Variants in CREB5 observed in about 807,000 individuals in gnomAD.
The protein encoded by CREB5 is cyclic AMP-responsive element-binding protein 5.
CREB5 carries 19 observed loss-of-function variants against 57.1 expected under a neutral mutation model. That is an observed-to-expected ratio of 0.33 (90% CI 0.23 to 0.49). The LOEUF (loss-of-function observed/expected upper bound fraction) is 0.49, where lower values mean the gene tolerates loss of function less well. Ranked by LOEUF, CREB5 falls within the 20% of genes least tolerant of loss-of-function variation. The probability of loss-of-function intolerance (pLI) is 0.99; values close to 1 mark genes in which losing one functional copy is unlikely to be tolerated. For synonymous variants in CREB5, 238 were observed against 238.3 expected (o/e 1.00, Z 0.01); for missense variants, 579 against 671.6 (o/e 0.86, Z 1.52).
At chr7:28,688,855 T>C (rs192526223) in intron 5 of CREB5, among the ~76,000 whole-genome samples, 143 of 152,282 alleles carry the variant, frequency 9.4e-4, no homozygotes, top group Non-Finnish European at 7.9e-4. Context: ...AAAGAGGGCA[T>C]GATTTCTTTT....
chr7:28,526,930 T>C (rs959533362), intron 4 of CREB5, among the ~76,000 whole-genome samples: 3 of 152,222 alleles, frequency 2.0e-5, no homozygotes, highest in African/African-American at 7.2e-5. Flanking sequence ...TTCATCCATC[T>C]TTTATTAATC....
intron 1 of CREB5, among the ~76,000 whole-genome samples, chr7:28,359,220 C>T: frequency 1.2e-5 from 1 of 80,124 alleles, no homozygotes; most frequent in African/African-American, 4.0e-5. Context: ...ACACACAAAA[C>T]AAATAAAAAA....
chr7:28,788,213 G>A (rs1807449210), intron 7 of CREB5, among the ~76,000 whole-genome samples: 1 of 151,990 alleles, frequency 6.6e-6, no homozygotes, highest in African/African-American at 2.4e-5. Context: ...GTTTAGCAGT[G>A]TCCCTACCCA....
intron 1 of CREB5, among the ~76,000 whole-genome samples, chr7:28,315,199 T>C (rs922595461): frequency 6.6e-6 from 1 of 152,198 alleles, no homozygotes; most frequent in Non-Finnish European, 1.5e-5. Flanking sequence ...GTGGGCACAA[T>C]TCATTTGTAT....
chr7:28,811,689 T>TAATC (rs1419115870), intron 9 of CREB5, among the ~76,000 whole-genome samples: 1 of 152,238 alleles, frequency 6.6e-6, no homozygotes, highest in Non-Finnish European at 1.5e-5. Context: ...TTAACATTAA[T>TAATC]AATCATATTT....
At chr7:28,471,867 C>G (rs941352096) in intron 1 of CREB5, among the ~76,000 whole-genome samples, 1 of 152,264 alleles carries the variant, frequency 6.6e-6, no homozygotes, top group African/African-American at 2.4e-5. Context: ...TGCATTATCT[C>G]ATTGTCCCAC....
chr7:28,705,180 T>C (rs1042815830), intron 5 of CREB5, among the ~76,000 whole-genome samples: 7 of 151,968 alleles, frequency 4.6e-5, no homozygotes, highest in African/African-American at 1.7e-4. Context: ...CTGGCCAACA[T>C]GGTGAAACCT....
intron 7 of CREB5, among the ~76,000 whole-genome samples, chr7:28,801,127 C>G (rs1808337289): frequency 1.3e-5 from 2 of 152,030 alleles, no homozygotes; most frequent in African/African-American, 4.8e-5. Flanking sequence ...GCTAAAGGGA[C>G]AAAAAGCAAG....
intron 1 of CREB5, among the ~76,000 whole-genome samples, chr7:28,400,384 T>G (rs1787433708): frequency 6.6e-6 from 1 of 152,216 alleles, no homozygotes; most frequent in Admixed American, 6.5e-5. Flanking sequence ...CCAGAGTGGG[T>G]GCTCACAAAT....
rs35658848 is a variant in CREB5 at position 28,802,078 on chromosome 7, GAAAAAAAAA to G, written c.703-2102_703-2094del. 9.0e-3 allele frequency among the ~76,000 whole-genome samples: 239 copies of G among 26,642 alleles called. 1 individual carries two copies. The highest frequency in any genetic ancestry group is 0.013 in the Non-Finnish European group (204 of 15,316). The allele number at this position is 26,642 out of a possible 152,430, so 17.5% of individuals were successfully genotyped here. ...CTGGCGACACAGCGAGACTCCATCTGAAAAAAAAAAAAAAAAAAAAAAAAAAAGGAGGAA... is the reference window on the plus strand; with the variant it reads ...CTGGCGACACAGCGAGACTCCATCTGAAAAAAAAAAAAAAAAAAGGAGGAA... On this transcript the variant is annotated intron_variant, in intron 7 of 10. Transcript: ENST00000357727.
At chr7:28,607,772 TG>T (rs1797202130) in intron 5 of CREB5, among the ~76,000 whole-genome samples, 1 of 150,160 alleles carries the variant, frequency 6.7e-6, no homozygotes, top group Non-Finnish European at 1.5e-5. Context: ...TGTGTGTGTG[TG>T]TGTGTGTGTG....
chr7:28,734,902 A>C (rs1193661590), intron 7 of CREB5, among the ~76,000 whole-genome samples: 1 of 152,118 alleles, frequency 6.6e-6, no homozygotes, highest in Non-Finnish European at 1.5e-5. Context: ...ATTCTTTGAT[A>C]AATTTCTTTA....
chr7:28,513,527 C>A (rs1792807422), intron 4 of CREB5: 1 of 151,202 alleles, frequency 6.6e-6, no homozygotes, highest in Non-Finnish European at 1.5e-5. Flanking sequence ...TCTTCCACCA[C>A]CCCAATGACT....
chr7:28,369,053 AAAAC>A (rs147206865), intron 1 of CREB5, among the ~76,000 whole-genome samples: 39 of 151,490 alleles, frequency 2.6e-4, no homozygotes, highest in African/African-American at 6.5e-4. Flanking sequence ...TCAAAAAAAC[AAAAC>A]AAACAAACAA....
intron 5 of CREB5, among the ~76,000 whole-genome samples, chr7:28,689,713 A>G (rs1801150113): frequency 6.6e-6 from 1 of 152,210 alleles, no homozygotes; most frequent in African/African-American, 2.4e-5. Flanking sequence ...TGTTAAAATT[A>G]TAGAAACTTA....
chr7:28,463,941 T>C (rs941716439), intron 1 of CREB5, among the ~76,000 whole-genome samples: 41 of 152,200 alleles, frequency 2.7e-4, no homozygotes, highest in African/African-American at 9.6e-4. Flanking sequence ...TTGCCATGGC[T>C]AAAACCTTCA....
chr7:28,559,418 G>A (rs903022455), intron 4 of CREB5, among the ~76,000 whole-genome samples: 2 of 152,158 alleles, frequency 1.3e-5, no homozygotes, highest in South Asian at 2.1e-4. Flanking sequence ...AGGTTTAAGC[G>A]ATTCTCCTGC....
rs76874910 is a variant in CREB5, at chr7:28,666,395, A to C, written c.465-52358A>C. 5.9e-5 allele frequency among the ~76,000 whole-genome samples: 9 copies of C among 152,132 alleles called. 1 individual carries two copies. In the East Asian group the frequency reaches 1.7e-3, roughly 29 times the overall value. On this transcript the variant is annotated intron_variant, in intron 5 of 10. Coordinates refer to ENST00000357727, the MANE Select transcript of CREB5 (RefSeq NM_182898.4). ...GTTCTTATGAGAGACCTCCAAAGAA[A>C]CCCTGGAGGTGTCAGTGATGATTCA...
rs539910184 is a variant in CREB5, at chr7:28,825,485, A to G, written c.*6206A>G. On this transcript the variant is annotated 3_prime_UTR_variant, in exon 11 of 11. Transcript: ENST00000357727. ...TAAATATTGTCCAAAAATATAATTAAAAGAAAAAAGTTTAGCACTGTGTAA... is the reference window on the plus strand; with the variant it reads ...TAAATATTGTCCAAAAATATAATTAGAAGAAAAAAGTTTAGCACTGTGTAA... 6.5e-6 allele frequency: 1 copy of G among 152,742 alleles called. No individual in the cohort carries two copies. The highest frequency in any genetic ancestry group is 6.5e-5 in the Admixed American group (1 of 15,306). The allele number at this position is 152,742 out of a possible 1,614,324, so 9.5% of individuals were successfully genotyped here. A position where few individuals can be genotyped will look rare whatever the true frequency, so the allele number is the denominator to read the frequency against.
Sources: allele counts gnomAD v4.1 joint callset (sites outside exome capture counted in the v4.1 genomes callset), GRCh38; gene constraint gnomAD v4.1.1; transcripts MANE v1.5; gene names NCBI Gene and HGNC (gene_info 2026-07-23, HGNC 2026-07-21).